The following CAMK1D variants were observed in gnomAD, a reference collection of about 807,000 sequenced individuals.
CAMK1D encodes calcium/calmodulin dependent protein kinase ID.
Under a neutral mutation model 47.7 loss-of-function variants are expected in CAMK1D, and 9 were observed. The observed-to-expected ratio is 0.19, with a 90% CI of 0.11 to 0.33. The LOEUF (loss-of-function observed/expected upper bound fraction) is 0.33, where lower values mean the gene tolerates loss of function less well. Ranked by LOEUF, CAMK1D falls within the 10% of genes least tolerant of loss-of-function variation. CAMK1D has a pLI of 1.00. For synonymous variants in CAMK1D, 184 were observed against 184.9 expected, an observed-to-expected ratio of 0.99 and a Z score of 0.04; for missense variants, 291 against 488.7, an observed-to-expected ratio of 0.60 and a Z score of 3.81.
chr10:12,639,130 C>T (rs1368930509), intron 2 of CAMK1D, among the ~76,000 whole-genome samples: 1 of 152,240 alleles, frequency 6.6e-6, no homozygotes, highest in African/African-American at 2.4e-5. Context: ...GGACCTCCCG[C>T]CTCAGAAAGA....
chr10:12,469,523 T>C (rs1833687279), intron 1 of CAMK1D, among the ~76,000 whole-genome samples: 1 of 152,120 alleles, frequency 6.6e-6, no homozygotes, highest in African/African-American at 2.4e-5. Context: ...GCTACAGTCA[T>C]GGCAAATAAA....
intron 1 of CAMK1D, among the ~76,000 whole-genome samples, chr10:12,358,840 T>C (rs1037887129): frequency 6.6e-6 from 1 of 152,198 alleles, no homozygotes; most frequent in Non-Finnish European, 1.5e-5. Context: ...AAGCTGTAGT[T>C]ACCTCCAGCA....
At chr10:12,667,734 T>A (rs780216919) in intron 3 of CAMK1D, among the ~76,000 whole-genome samples, 1 of 152,252 alleles carries the variant, frequency 6.6e-6, no homozygotes, top group Non-Finnish European at 1.5e-5. Flanking sequence ...GTTGAGGGTA[T>A]GGAGAATTGA....
intron 1 of CAMK1D, among the ~76,000 whole-genome samples, chr10:12,378,039 G>A (rs1838232991): frequency 6.6e-6 from 1 of 152,162 alleles, no homozygotes; most frequent in Admixed American, 6.5e-5. Flanking sequence ...CAGGCATGCG[G>A]CCCAGCTCAC....
At chr10:12,595,388 C>CTTTT (rs1163771342) in intron 2 of CAMK1D, among the ~76,000 whole-genome samples, 2 of 116,192 alleles carry the variant, frequency 1.7e-5, no homozygotes, top group African/African-American at 6.5e-5. Flanking sequence ...AGAGATTCTT[C>CTTTT]TTTTGCTAAA....
chr10:12,404,027 G>A (rs1489647738), intron 1 of CAMK1D, among the ~76,000 whole-genome samples: 2 of 150,608 alleles, frequency 1.3e-5, no homozygotes, highest in African/African-American at 2.4e-5. Flanking sequence ...AAATGGGCAT[G>A]TAGTTTTTTG....
chr10:12,748,954 G>C (rs746157077), intron 3 of CAMK1D, among the ~76,000 whole-genome samples: 1 of 152,214 alleles, frequency 6.6e-6, no homozygotes, highest in Non-Finnish European at 1.5e-5. Flanking sequence ...GGAGGCTGCA[G>C]ATTTTTCTGT....
chr10:12,560,862 G>C (rs1013553809), intron 2 of CAMK1D, among the ~76,000 whole-genome samples: 1 of 151,980 alleles, frequency 6.6e-6, no homozygotes, highest in African/African-American at 2.4e-5. Flanking sequence ...TACAATTCTA[G>C]ACACTTGGAT....
At chr10:12,461,366 C>T (rs921690452) in intron 1 of CAMK1D, among the ~76,000 whole-genome samples, 1 of 152,112 alleles carries the variant, frequency 6.6e-6, no homozygotes, top group Non-Finnish European at 1.5e-5. Flanking sequence ...TTCTTTAATG[C>T]TTTTTACTAT....
intron 1 of CAMK1D, among the ~76,000 whole-genome samples, chr10:12,552,252 G>A (rs1836608516): frequency 6.6e-6 from 1 of 152,222 alleles, no homozygotes; most frequent in Non-Finnish European, 1.5e-5. Flanking sequence ...CCGTTGCAGA[G>A]TGAAATGTGT....
intron 1 of CAMK1D, among the ~76,000 whole-genome samples, chr10:12,485,771 T>C (rs915043846): frequency 1.3e-5 from 2 of 152,228 alleles, no homozygotes; most frequent in Non-Finnish European, 2.9e-5. Flanking sequence ...AGAAAATTGC[T>C]AAATATGCCA....
intron 1 of CAMK1D, among the ~76,000 whole-genome samples, chr10:12,543,683 G>A (rs972491768): frequency 8.5e-5 from 13 of 152,136 alleles, no homozygotes; most frequent in African/African-American, 2.9e-4. Context: ...CATCCTTAGG[G>A]CACACGCATT....
intron 1 of CAMK1D, among the ~76,000 whole-genome samples, chr10:12,355,913 A>G (rs1837498646): frequency 6.6e-6 from 1 of 152,182 alleles, no homozygotes; most frequent in Non-Finnish European, 1.5e-5. Flanking sequence ...GGCAGGAACC[A>G]AGAGCCAAAG....
chr10:12,626,309 C>G (rs978438361), intron 2 of CAMK1D, among the ~76,000 whole-genome samples: 132 of 152,156 alleles, frequency 8.7e-4, no homozygotes, highest in African/African-American at 3.0e-3. Flanking sequence ...TTATTTTTAT[C>G]AAATCAATAT....
At chr10:12,588,590 G>T (rs574298617) in intron 2 of CAMK1D, among the ~76,000 whole-genome samples, 2 of 152,132 alleles carry the variant, frequency 1.3e-5, no homozygotes, top group East Asian at 3.9e-4. Flanking sequence ...CTGGCATGCA[G>T]ATCTCCTGCC....
At chr10:12,414,726 G>A (rs1481682903) in intron 1 of CAMK1D, among the ~76,000 whole-genome samples, 4 of 152,138 alleles carry the variant, frequency 2.6e-5, no homozygotes, top group Admixed American at 6.5e-5. Flanking sequence ...AATTTGGATC[G>A]TTTCCTTGAG....
intron 1 of CAMK1D, among the ~76,000 whole-genome samples, chr10:12,511,877 G>A (rs1835051629): frequency 6.6e-6 from 1 of 152,250 alleles, no homozygotes; most frequent in Non-Finnish European, 1.5e-5. Flanking sequence ...ATCTCCAGCA[G>A]TGGGGAGTAT....
intron 2 of CAMK1D, among the ~76,000 whole-genome samples, chr10:12,648,039 C>A (rs17152058): frequency 6.6e-6 from 1 of 152,058 alleles, no homozygotes; most frequent in East Asian, 1.9e-4. Flanking sequence ...TGCCATCTTG[C>A]GAAGAGTCCA....
chr10:12,480,304 G>A (rs2768427), intron 1 of CAMK1D, among the ~76,000 whole-genome samples: 87,940 of 151,872 alleles, frequency 0.58, 25,556 homozygotes, highest in African/African-American at 0.61. Context: ...ACGTGATAGC[G>A]CACGCCTGCA....
Sources: allele counts gnomAD v4.1 joint callset (sites outside exome capture counted in the v4.1 genomes callset), GRCh38; gene constraint gnomAD v4.1.1; transcripts MANE v1.5; gene names NCBI Gene and HGNC (gene_info 2026-07-23, HGNC 2026-07-21).